DAB1: variants seen among roughly 807,000 people sequenced by gnomAD.
DAB1 encodes the protein DAB adaptor protein 1.
Under a neutral mutation model 64.6 loss-of-function variants are expected in DAB1, and 15 were observed. That is an observed-to-expected ratio of 0.23 (90% CI 0.16 to 0.36). The LOEUF (loss-of-function observed/expected upper bound fraction) is 0.36. DAB1 is among the 10% of genes least tolerant of loss of function. The pLI, the probability that DAB1 is intolerant of heterozygous loss-of-function variation, is 1.00. For synonymous variants in DAB1, 235 were observed against 251.9 expected (o/e 0.93, Z 0.64); for missense variants, 596 against 706.7 (o/e 0.84, Z 1.78).
At chr1:58,538,569 G>A (rs543809132) in intron 1 of DAB1, among the ~76,000 whole-genome samples, 2 of 152,134 alleles carry the variant, frequency 1.3e-5, no homozygotes, top group African/African-American at 4.8e-5. Flanking sequence ...TAGTATGCAG[G>A]AAATTGTTTC....
At chr1:57,489,624 C>T (rs1204075844) in intron 7 of DAB1, among the ~76,000 whole-genome samples, 1 of 152,052 alleles carries the variant, frequency 6.6e-6, no homozygotes, top group Non-Finnish European at 1.5e-5. Flanking sequence ...TTGTTATATC[C>T]CCACAGTGTC....
At chr1:58,442,766 T>C (rs1645026200) in intron 3 of DAB1, among the ~76,000 whole-genome samples, 1 of 152,174 alleles carries the variant, frequency 6.6e-6, no homozygotes, top group Non-Finnish European at 1.5e-5. Context: ...CCTTCTGATA[T>C]CACAGCACTT....
chr1:57,645,292 G>A (rs1490473742), intron 7 of DAB1, among the ~76,000 whole-genome samples: 2 of 152,178 alleles, frequency 1.3e-5, no homozygotes, highest in Non-Finnish European at 2.9e-5. Flanking sequence ...CTGGCAGAGG[G>A]CTGACTGAGA....
chr1:58,051,105 T>C (rs1204336117), intron 5 of DAB1, among the ~76,000 whole-genome samples: 2 of 152,152 alleles, frequency 1.3e-5, no homozygotes, highest in East Asian at 3.9e-4. Context: ...AAGTGCAGGT[T>C]TGATACATAT....
At chr1:57,503,570 A>C (rs771968659) in intron 7 of DAB1, among the ~76,000 whole-genome samples, 2 of 152,230 alleles carry the variant, frequency 1.3e-5, no homozygotes, top group Non-Finnish European at 2.9e-5. Context: ...TATCCAGCAG[A>C]ATAGACACAT....
At chr1:57,172,004 G>T (rs533642369) in intron 2 of DAB1, among the ~76,000 whole-genome samples, 3 of 152,032 alleles carry the variant, frequency 2.0e-5, no homozygotes, top group African/African-American at 4.8e-5. Flanking sequence ...GACTGGGAGC[G>T]ACACTGTTTC....
intron 5 of DAB1, among the ~76,000 whole-genome samples, chr1:58,036,088 A>G (rs369205276): frequency 2.0e-5 from 3 of 152,216 alleles, no homozygotes; most frequent in South Asian, 4.1e-4. Context: ...ATGGTAAGTG[A>G]GATGGTCGGG....
chr1:58,539,322 A>C (rs749233184), intron 1 of DAB1: 1 of 792,520 alleles, frequency 1.3e-6, no homozygotes, highest in East Asian at 2.4e-5. Context: ...TGAAACAAAA[A>C]AAAAACTATA....
chr1:57,692,144 G>GT (rs1446576650), intron 6 of DAB1, among the ~76,000 whole-genome samples: 13 of 152,046 alleles, frequency 8.6e-5, no homozygotes, highest in Admixed American at 7.9e-4. Flanking sequence ...CGTTGCCCAA[G>GT]TGAGACTCGC....
At chr1:57,588,774 GCATAT>G (rs774967421) in intron 7 of DAB1, among the ~76,000 whole-genome samples, 50 of 152,044 alleles carry the variant, frequency 3.3e-4, no homozygotes, top group Non-Finnish European at 5.9e-4. Context: ...ATAGACCCAC[GCATAT>G]CATAACATTT....
At chr1:58,004,116 C>G (rs541514925) in intron 5 of DAB1, among the ~76,000 whole-genome samples, 1 of 152,250 alleles carries the variant, frequency 6.6e-6, no homozygotes, top group East Asian at 1.9e-4. Flanking sequence ...GCAGAGGTGA[C>G]CAGAAGTAAC....
At chr1:57,550,398 C>G (rs897186183) in intron 7 of DAB1, among the ~76,000 whole-genome samples, 2 of 152,144 alleles carry the variant, frequency 1.3e-5, no homozygotes, top group Admixed American at 1.3e-4. Flanking sequence ...AACTCTGATT[C>G]TATACCATTT....
At chr1:57,062,302 T>C (rs910875112) in intron 9 of DAB1, among the ~76,000 whole-genome samples, 23 of 152,180 alleles carry the variant, frequency 1.5e-4, no homozygotes, top group African/African-American at 5.3e-4. Flanking sequence ...GGCTGAACTT[T>C]TGTATACCCC....
chr1:57,985,638 C>T (rs17116641), intron 5 of DAB1, among the ~76,000 whole-genome samples: 14 of 80,206 alleles, frequency 1.7e-4, no homozygotes, highest in African/African-American at 4.8e-4. Context: ...ACAGTAGACC[C>T]TCAAGAAAGA....
intron 5 of DAB1, among the ~76,000 whole-genome samples, chr1:58,019,576 C>T (rs1270232802): frequency 1.3e-5 from 2 of 152,156 alleles, no homozygotes; most frequent in Non-Finnish European, 2.9e-5. Context: ...TTTCTAACTG[C>T]ACCATGAAAA....
intron 9 of DAB1, among the ~76,000 whole-genome samples, chr1:57,060,584 A>T (rs1226093220): frequency 6.6e-6 from 1 of 152,228 alleles, no homozygotes; most frequent in Non-Finnish European, 1.5e-5. Flanking sequence ...TGCTATTAGC[A>T]GAGGAATGAC....
At chr1:57,603,632 G>A (rs936665525) in intron 7 of DAB1, among the ~76,000 whole-genome samples, 1 of 152,178 alleles carries the variant, frequency 6.6e-6, no homozygotes, top group Non-Finnish European at 1.5e-5. Flanking sequence ...ATTTATAGTT[G>A]TGCCTTTTAC....
chr1:58,510,594 C>T (rs1339677693), intron 2 of DAB1, among the ~76,000 whole-genome samples: 2 of 152,044 alleles, frequency 1.3e-5, no homozygotes, highest in Admixed American at 1.3e-4. Context: ...TGCCACTTCT[C>T]TTCAATACAG....
At chr1:58,310,825 C>G (rs1662414624) in intron 4 of DAB1, among the ~76,000 whole-genome samples, 1 of 152,118 alleles carries the variant, frequency 6.6e-6, no homozygotes, top group Non-Finnish European at 1.5e-5. Flanking sequence ...TTCCATGACC[C>G]CTTGCTGAGT....
Sources: gnomAD v4.1 joint callset for allele counts (sites outside exome capture counted in the v4.1 genomes callset) on GRCh38, gnomAD v4.1.1 for gene constraint, MANE v1.5 for transcripts, NCBI Gene and HGNC (gene_info 2026-07-23, HGNC 2026-07-21) for gene names.